The following PDLIM5 variants were observed in gnomAD, a reference collection of about 807,000 sequenced individuals.
PDLIM5 encodes PDZ and LIM domain protein 5.
A neutral mutation model predicts 64.2 loss-of-function variants in PDLIM5; 34 were observed. That is an observed-to-expected ratio of 0.53 (90% CI 0.40 to 0.71). The LOEUF (loss-of-function observed/expected upper bound fraction) is 0.71, where lower values mean the gene tolerates loss of function less well. PDLIM5 is among the 30% of genes least tolerant of loss of function. The probability of loss-of-function intolerance (pLI) is 0.00; values close to 1 mark genes in which losing one functional copy is unlikely to be tolerated. For missense variants in PDLIM5, 683 were observed against 733.6 expected, an observed-to-expected ratio of 0.93 and a Z score of 0.80; for synonymous variants, 253 against 269.1, an observed-to-expected ratio of 0.94 and a Z score of 0.59.
At chr4:94,542,441 A>AT (rs1412454542) in intron 3 of PDLIM5, among the ~76,000 whole-genome samples, 4 of 152,026 alleles carry the variant, frequency 2.6e-5, no homozygotes, top group East Asian at 3.9e-4. Flanking sequence ...TAAGGGGTAC[A>AT]TTTTTTTCTC....
At chr4:94,646,205 A>T (rs1375126855) in intron 9 of PDLIM5, among the ~76,000 whole-genome samples, 4 of 152,214 alleles carry the variant, frequency 2.6e-5, no homozygotes, top group African/African-American at 9.6e-5. Context: ...CTGAAATCCC[A>T]AATTCCAGTA....
At chr4:94,470,453 A>C (rs901197602) in intron 2 of PDLIM5, among the ~76,000 whole-genome samples, 1 of 152,306 alleles carries the variant, frequency 6.6e-6, no homozygotes, top group African/African-American at 2.4e-5. Flanking sequence ...GAGTGTTAGG[A>C]TGTTTATTCT....
intron 8 of PDLIM5, among the ~76,000 whole-genome samples, chr4:94,618,896 T>G (rs1738998725): frequency 6.6e-6 from 1 of 152,228 alleles, no homozygotes; most frequent in Non-Finnish European, 1.5e-5. Context: ...GGGACTGTAC[T>G]TAAATGTTGC....
chr4:94,647,584 T>C (rs1329817237), intron 9 of PDLIM5, among the ~76,000 whole-genome samples: 2 of 152,182 alleles, frequency 1.3e-5, no homozygotes, highest in African/African-American at 2.4e-5. Flanking sequence ...TTAATAGATA[T>C]AATTGATTAC....
At chr4:94,551,846 G>A (rs546352080) in intron 3 of PDLIM5, among the ~76,000 whole-genome samples, 318 of 152,260 alleles carry the variant, frequency 2.1e-3, no homozygotes, top group African/African-American at 6.9e-3. Context: ...GTAGTTGAGC[G>A]TAAATTGTTC....
rs1226265142 is a variant in PDLIM5 at position 94,455,257 on chromosome 4, T to C, written c.-32T>C. On this transcript the variant is annotated 5_prime_UTR_variant, in exon 2 of 13. Coordinates refer to ENST00000317968, the MANE Select transcript of PDLIM5 (RefSeq NM_006457.5). ...GATTTTCTTTCACAGCATATTTCAT[T>C]TTCTGTCATTGGACTTTGAGCCATT... is the stretch of plus-strand genomic sequence containing the variant. The C allele has an allele frequency of 2.3e-6, 3 of 1,293,320 alleles. No homozygotes were observed. The highest frequency in any genetic ancestry group is 1.8e-4 in the Middle Eastern group (1 of 5,414). The allele number at this position is 1,293,320 out of a possible 1,614,324, so 80.1% of individuals were successfully genotyped here.
At chr4:94,519,820 G>A (rs1046236875) in intron 2 of PDLIM5, among the ~76,000 whole-genome samples, 3 of 152,124 alleles carry the variant, frequency 2.0e-5, no homozygotes, top group Non-Finnish European at 4.4e-5. Flanking sequence ...CAAGCTCAAG[G>A]ATCTGATTCC....
chr4:94,587,666 G>A (rs1266473285), intron 7 of PDLIM5: 1 of 982,156 alleles, frequency 1.0e-6, no homozygotes, highest in African/African-American at 1.7e-5. Flanking sequence ...CTATGAAGAG[G>A]AGGAGGTCCA....
At chr4:94,495,677 C>A (rs1304067947) in intron 2 of PDLIM5, among the ~76,000 whole-genome samples, 2 of 152,186 alleles carry the variant, frequency 1.3e-5, no homozygotes, top group Non-Finnish European at 2.9e-5. Context: ...GCCCCACTCC[C>A]TTAAACCATT....
Position 94,664,554 on chromosome 4 carries a change from G to A in PDLIM5, c.*487G>A, listed in dbSNP as rs777428119. 1.2e-6 allele frequency: 1 copy of A among 856,174 alleles called. No individual in the cohort carries two copies. The highest frequency in any genetic ancestry group is 5.3e-5 in the South Asian group (1 of 18,836). 53.0% of individuals were successfully genotyped at this position (856,174 alleles called of 1,614,324 possible). On this transcript the variant is annotated 3_prime_UTR_variant, in exon 13 of 13. Transcript: ENST00000317968. ...GGATTTTAAACAGAGAATTTTATCA[G>A]TAATAGGTGTCAGTTTTTAAAAAAT...
chr4:94,611,304 G>A, intron 7 of PDLIM5: 1 of 992,396 alleles, frequency 1.0e-6, no homozygotes, highest in Non-Finnish European at 1.5e-6. Flanking sequence ...ACATGCTAGA[G>A]TTCTAGGGAT....
At chr4:94,619,734 C>T (rs1158152646) in intron 8 of PDLIM5, among the ~76,000 whole-genome samples, 2 of 152,148 alleles carry the variant, frequency 1.3e-5, no homozygotes, top group Non-Finnish European at 2.9e-5. Context: ...CCTCAACCTC[C>T]AAGGTTCAAG....
chr4:94,470,323 C>A (rs113406205), intron 2 of PDLIM5, among the ~76,000 whole-genome samples: 1,804 of 152,132 alleles, frequency 0.012, 40 homozygotes, highest in African/African-American at 0.041. Context: ...TTCTGTTTTC[C>A]TTTCCTTGTG....
intron 5 of PDLIM5, chr4:94,583,032 C>CTTA (rs1023555926): frequency 6.6e-5 from 14 of 212,906 alleles, no homozygotes; most frequent in African/African-American, 2.0e-4. Context: ...TTTCCTTTAG[C>CTTA]TTATTATTAT....
chr4:94,602,973 G>A (rs1045690338), intron 7 of PDLIM5, among the ~76,000 whole-genome samples: 1 of 152,148 alleles, frequency 6.6e-6, no homozygotes, highest in East Asian at 1.9e-4. Flanking sequence ...TGATTTACAT[G>A]TAAGTTAAAA....
intron 2 of PDLIM5, among the ~76,000 whole-genome samples, chr4:94,492,547 C>T (rs1726971301): frequency 6.6e-6 from 1 of 152,128 alleles, no homozygotes; most frequent in Non-Finnish European, 1.5e-5. Context: ...AGTATTTACT[C>T]CCCATTTCTC....
chr4:94,573,036 G>A (rs907878298), intron 3 of PDLIM5, among the ~76,000 whole-genome samples: 4 of 152,104 alleles, frequency 2.6e-5, no homozygotes, highest in Non-Finnish European at 4.4e-5. Context: ...CCTTTTAGGT[G>A]GGGGGTATCC....
chr4:94,550,586 C>T (rs1001056358), intron 3 of PDLIM5, among the ~76,000 whole-genome samples: 1 of 152,120 alleles, frequency 6.6e-6, no homozygotes, highest in Non-Finnish European at 1.5e-5. Flanking sequence ...CTTCAAAGTA[C>T]CCGTTAGACA....
intron 3 of PDLIM5, among the ~76,000 whole-genome samples, chr4:94,532,527 A>T (rs948985124): frequency 6.6e-6 from 1 of 152,192 alleles, no homozygotes; most frequent in Non-Finnish European, 1.5e-5. Flanking sequence ...GGCTTCAGTT[A>T]TGCCTAATCA....
Sources: allele counts gnomAD v4.1 joint callset (sites outside exome capture counted in the v4.1 genomes callset), GRCh38; gene constraint gnomAD v4.1.1; transcripts MANE v1.5; gene names NCBI Gene and HGNC (gene_info 2026-07-23, HGNC 2026-07-21).